Variants in DOCK9 observed in about 807,000 individuals in gnomAD.
DOCK9 encodes dedicator of cytokinesis 9.
Under a neutral mutation model 263.3 loss-of-function variants are expected in DOCK9, and 89 were observed. That is an observed-to-expected ratio of 0.34 (90% CI 0.28 to 0.40). The LOEUF (loss-of-function observed/expected upper bound fraction) is 0.40, where lower values mean the gene tolerates loss of function less well. DOCK9 is among the 10% of genes least tolerant of loss of function. DOCK9 has a pLI of 1.00. For missense variants in DOCK9, 2,140 were observed against 2,603.4 expected (o/e 0.82, Z 3.87); for synonymous variants, 976 against 973.1 (o/e 1.00, Z -0.06).
At chr13:98,945,231 T>C (rs1205468538) in intron 2 of DOCK9, among the ~76,000 whole-genome samples, 4 of 152,256 alleles carry the variant, frequency 2.6e-5, no homozygotes, top group African/African-American at 9.6e-5. Flanking sequence ...TTATATCTGA[T>C]TGACGTTTAG....
At position 98,800,404 on chromosome 13, in the gene DOCK9, C is replaced by T. The variant is rs1309090432; in HGVS notation, c.5800G>A (p.Glu1934Lys). Residue 1934 changes from glutamate (E) to lysine (K), a missense_variant, in exon 50 of 53, where the codon GAG (glutamate) becomes AAG (lysine). By Grantham distance (56) the Glu-to-Lys change is moderately conservative. Transcript: ENST00000682017. ...TTACTCATCTCGTCAATGGCCACCTCGATGGGGTTCAGGTCAGTGTGGTGC... is the reference window on the plus strand; with the variant it reads ...TTACTCATCTCGTCAATGGCCACCTTGATGGGGTTCAGGTCAGTGTGGTGC... ...YQHHTDLNPI[E>K]VAIDEMSKKV... The T allele has an allele frequency of 6.2e-7, 1 of 1,613,930 alleles. No individual in the cohort carries two copies. The highest frequency in any genetic ancestry group is 2.2e-5 in the East Asian group (1 of 44,880).
chr13:98,945,342 G>A lies in DOCK9; in HGVS notation c.243+10093C>T, dbSNP rs373786688. ...TGCTGATTCTCCTCACCCAAGAGCCGTCTAAAGTCACTCCACCATGGTCCA... is the reference window on the plus strand; with the variant it reads ...TGCTGATTCTCCTCACCCAAGAGCCATCTAAAGTCACTCCACCATGGTCCA... On this transcript the variant is annotated intron_variant, in intron 2 of 52. Transcript: ENST00000682017. 1.5e-3 allele frequency among the ~76,000 whole-genome samples: 227 copies of A among 152,276 alleles called. 3 individuals are homozygous for A. The highest frequency in any genetic ancestry group is 5.3e-3 in the African/African-American group (219 of 41,534).
intron 4 of DOCK9, among the ~76,000 whole-genome samples, chr13:98,924,943 T>C (rs931919644): frequency 1.6e-4 from 25 of 152,178 alleles, no homozygotes; most frequent in African/African-American, 5.5e-4. Context: ...GGCAGGTGGA[T>C]CACCTGAGTT....
Position 98,855,963 on chromosome 13 carries a change from T to C in DOCK9, c.3766A>G (p.Ile1256Val). 3.7e-6 allele frequency: 6 copies of C among 1,614,054 alleles called. No individual in the cohort carries two copies. The South Asian group carries it at 5.5e-5, about 15-fold the overall frequency. The part of the protein sequence containing the change: ...VRNADSRGSL[I>V]STDSGNSLPE... Reference sequence around the variant, plus strand: ...AGGCTGTTACCCGAATCTGTGCTTATGAGAGATCCTCTCGAATCAGCATTT... The same window carrying C: ...AGGCTGTTACCCGAATCTGTGCTTACGAGAGATCCTCTCGAATCAGCATTT... Residue 1256 changes from isoleucine to valine, a missense_variant, in exon 34 of 53, where the codon ATA becomes GTA. By Grantham distance (29) the Ile-to-Val change is conservative. Around this residue, in one of 2 missense-constraint regions of DOCK9, gnomAD observed 1,521 missense variants for 1,741.7 expected, o/e 0.87. Transcript: ENST00000682017.
At chr13:99,072,043 C>T (rs2041703114) in intron 1 of DOCK9, among the ~76,000 whole-genome samples, 1 of 152,194 alleles carries the variant, frequency 6.6e-6, no homozygotes, top group Non-Finnish European at 1.5e-5. Flanking sequence ...CCAGCCCCAC[C>T]TTTTTTGCTA....
intron 1 of DOCK9, among the ~76,000 whole-genome samples, chr13:98,996,779 A>G (rs1392859740): frequency 6.6e-6 from 1 of 152,246 alleles, no homozygotes; most frequent in Non-Finnish European, 1.5e-5. Context: ...GGGAAGCCAA[A>G]AGATTGGGCA....
At chr13:98,857,854 C>G (rs1274235624) in intron 33 of DOCK9, 1 of 152,158 alleles carries the variant, frequency 6.6e-6, no homozygotes, top group Non-Finnish European at 1.5e-5. Flanking sequence ...AGGTAAAAAC[C>G]CTGTGAAAAA....
Position 99,038,950 on chromosome 13 carries a change from A to C in DOCK9, c.129+47273T>G, listed in dbSNP as rs1474415358. Among the ~76,000 whole-genome samples the C allele has an allele frequency of 9.8e-5, 15 of 152,374 alleles. No homozygotes were observed. In the East Asian group the frequency reaches 2.9e-3, roughly 29 times the overall value. On this transcript the variant is annotated intron_variant, in intron 1 of 32. Coordinates refer to the DOCK9 transcript ENST00000427887. ...TATGCATGTTTGCTGCATGACATTCATTATTCCACATCATCTTCTGATTAT... is the reference window on the plus strand; with the variant it reads ...TATGCATGTTTGCTGCATGACATTCCTTATTCCACATCATCTTCTGATTAT...
rs2090889800 is a variant in DOCK9, at chr13:98,807,760, G to C, written c.5415C>G (p.Pro1805=). The change falls in exon 48 of 53, where the codon CCC becomes CCG. Residue 1805 remains proline, a synonymous_variant. Transcript: ENST00000682017. ...EDGKEYIYKE[P]KLTPLSEISQ... is the part of the protein sequence containing the mutation. ...AAATTTCCGACAGCGGTGTGAGTTT[G>C]GGTTCCTTGTAAATATACTCCTTTC... The C allele has an allele frequency of 1.4e-5, 22 of 1,613,396 alleles. No individual in the cohort carries two copies. The highest frequency in any genetic ancestry group is 1.9e-5 in the Non-Finnish European group (22 of 1,179,508).
intron 52 of DOCK9, among the ~76,000 whole-genome samples, chr13:98,795,763 C>T (rs1246811801): frequency 8.2e-5 from 12 of 145,806 alleles, no homozygotes; most frequent in Admixed American, 5.5e-4. Context: ...TTTTTTTCTA[C>T]TTTTTTTTTT....
At chr13:98,920,651 T>C (rs1408992893) in intron 7 of DOCK9, among the ~76,000 whole-genome samples, 3 of 152,262 alleles carry the variant, frequency 2.0e-5, no homozygotes, top group African/African-American at 7.2e-5. Flanking sequence ...TCATCCAATG[T>C]ACTCATTTGC....
At chr13:99,012,177 C>A (rs1566295459) in intron 1 of DOCK9, among the ~76,000 whole-genome samples, 1 of 152,158 alleles carries the variant, frequency 6.6e-6, no homozygotes, top group Non-Finnish European at 1.5e-5. Context: ...AGCAAGTAAG[C>A]AATGCCCTCA....
chr13:98,811,381 G>T (rs1366682462), intron 45 of DOCK9, among the ~76,000 whole-genome samples: 2 of 150,792 alleles, frequency 1.3e-5, no homozygotes, highest in African/African-American at 4.9e-5. Context: ...TGCCAGATAG[G>T]TGATTTGTAA....
chr13:98,998,658 G>A (rs916886306), intron 1 of DOCK9, among the ~76,000 whole-genome samples: 1 of 152,114 alleles, frequency 6.6e-6, no homozygotes. Flanking sequence ...AGGCACAGAG[G>A]AGCAACATTC....
At chr13:98,881,003 CAT>C (rs1279715484) in intron 25 of DOCK9, among the ~76,000 whole-genome samples, 14 of 152,310 alleles carry the variant, frequency 9.2e-5, no homozygotes, top group African/African-American at 3.1e-4. Context: ...TAAATTATCA[CAT>C]AGTTGTAATT....
At chr13:98,886,744 G>A (rs1309071709) in intron 18 of DOCK9, 120 bp from the exon 19 acceptor site, 1 of 914,884 alleles carries the variant, frequency 1.1e-6, no homozygotes, top group African/African-American at 1.7e-5. Flanking sequence ...CACCTCTGAT[G>A]GGCCCCAGGC....
chr13:98,825,917 G>A lies in DOCK9; in HGVS notation c.5023+913C>T. 6.4e-7 allele frequency: 1 copy of A among 1,555,006 alleles called. No homozygotes were observed. The highest frequency in any genetic ancestry group is 1.2e-5 in the South Asian group (1 of 80,378). On this transcript the variant is annotated intron_variant, in intron 44 of 52. Transcript: ENST00000682017. The surrounding 1 kb of genome is among the most constrained non-coding windows in gnomAD (Gnocchi z 4.1). Reference sequence around the variant, plus strand: ...CAGGCGCTATGGCTGTGGGGGAGAAGGGGCGGCTCCCACTGGACTGCTTCT... The same window carrying A: ...CAGGCGCTATGGCTGTGGGGGAGAAAGGGCGGCTCCCACTGGACTGCTTCT...
chr13:98,865,633 G>A (rs1246664230), intron 30 of DOCK9, among the ~76,000 whole-genome samples: 1 of 152,170 alleles, frequency 6.6e-6, no homozygotes, highest in Non-Finnish European at 1.5e-5. Flanking sequence ...ATGGGGAGAT[G>A]GGCATCAGCA....
chr13:98,908,672 C>A (rs1199292207), intron 9 of DOCK9, among the ~76,000 whole-genome samples: 2 of 151,952 alleles, frequency 1.3e-5, no homozygotes, highest in Non-Finnish European at 2.9e-5. Context: ...AACTTAAAAA[C>A]CTTACATATG....
Sources: gnomAD v4.1 joint callset for allele counts (sites outside exome capture counted in the v4.1 genomes callset) on GRCh38, gnomAD v4.1.1 for gene constraint, gnomAD v4.1.1 regional missense constraint, Gnocchi (gnomAD v3.1) non-coding constraint, MANE v1.5 for transcripts, NCBI Gene and HGNC (gene_info 2026-07-23, HGNC 2026-07-21) for gene names.